FAM107A: variants seen among roughly 807,000 people sequenced by gnomAD.
FAM107A encodes the protein actin-associated protein FAM107A.
In FAM107A, 19 loss-of-function variants were observed where a neutral mutation model predicts 13.7. The ratio of observed to expected loss-of-function variants is 1.38; its 90% confidence interval spans 0.97 to 2.03. FAM107A has a LOEUF of 2.03. Ranked by LOEUF, FAM107A falls within the 30% of genes most tolerant of loss-of-function variation. FAM107A has a pLI of 0.00. For synonymous variants in FAM107A, 82 were observed against 74.5 expected (o/e 1.10, Z -0.52); for missense variants, 203 against 184.4 (o/e 1.10, Z -0.58).
At chr3:58,595,417 T>C (rs2065690317) in intron 1 of FAM107A, among the ~76,000 whole-genome samples, 1 of 152,186 alleles carries the variant, frequency 6.6e-6, no homozygotes, top group South Asian at 2.1e-4. Context: ...ATTTGATTTG[T>C]TCCTGCCCCA....
At chr3:58,578,015 G>A (rs940762541), upstream of FAM107A, among the ~76,000 whole-genome samples, 43 of 152,300 alleles carry the variant, frequency 2.8e-4, no homozygotes, top group African/African-American at 1.0e-3. Context: ...TCCAGCACCA[G>A]CCCCTTCAGC....
At position 58,577,366 on chromosome 3, in the gene FAM107A, C is replaced by T. The variant is rs1470287824; in HGVS notation, c.-63G>A. 1 of 985,348 alleles carries T rather than the reference C, an allele frequency of 1.0e-6. No homozygotes were observed. Among genetic ancestry groups the T allele is most frequent in the African/African-American group, 1.7e-5 (1 of 57,230 alleles). 61.0% of individuals were successfully genotyped at this position (985,348 alleles called of 1,614,324 possible). ...GGAGCGTGTTGCTGGGTTCCTCACTCCACCGGGAAGTCCCAGACTAGCAAG... is the reference window on the plus strand; with the variant it reads ...GGAGCGTGTTGCTGGGTTCCTCACTTCACCGGGAAGTCCCAGACTAGCAAG... On this transcript the variant is annotated 5_prime_UTR_variant, in exon 1 of 4. Transcript: ENST00000360997. This position sits in a 1 kb window ranked among gnomAD's most constrained non-coding sequence, Gnocchi z 4.9.
intron 1 of FAM107A, among the ~76,000 whole-genome samples, chr3:58,593,767 C>T (rs1341756124): frequency 5.3e-5 from 8 of 152,106 alleles, no homozygotes; most frequent in Non-Finnish European, 8.8e-5. Context: ...CACAGCCGTC[C>T]GCGCCCTACA....
intron 1 of FAM107A, chr3:58,626,949 C>A: frequency 6.5e-7 from 1 of 1,535,776 alleles, no homozygotes; most frequent in Non-Finnish European, 8.7e-7. Flanking sequence ...AGGGCCCCAA[C>A]AGGACACTTA....
chr3:58,581,644 T>C (rs913330034), upstream of FAM107A, among the ~76,000 whole-genome samples: 1 of 151,444 alleles, frequency 6.6e-6, no homozygotes, highest in Non-Finnish European at 1.5e-5. Context: ...GACTCGGGGG[T>C]TGGGGGAGAA....
In FAM107A at chr3:58,577,368, A is replaced by T; in HGVS notation, c.-65T>A. 1 of 985,348 alleles carries T rather than the reference A, an allele frequency of 1.0e-6. No homozygotes were observed. Among genetic ancestry groups the T allele is most frequent in the Non-Finnish European group, 1.2e-6 (1 of 829,926 alleles). 61.0% of individuals were successfully genotyped at this position (985,348 alleles called of 1,614,324 possible). ...AGCGTGTTGCTGGGTTCCTCACTCCACCGGGAAGTCCCAGACTAGCAAGGA... is the reference window on the plus strand; with the variant it reads ...AGCGTGTTGCTGGGTTCCTCACTCCTCCGGGAAGTCCCAGACTAGCAAGGA... On this transcript the variant is annotated 5_prime_UTR_variant, in exon 1 of 4. Coordinates refer to ENST00000360997, the MANE Select transcript of FAM107A (RefSeq NM_001076778.3). This position sits in a 1 kb window ranked among gnomAD's most constrained non-coding sequence, Gnocchi z 4.9.
At chr3:58,612,255 G>A (rs1441838006) in intron 1 of FAM107A, among the ~76,000 whole-genome samples, 3 of 152,204 alleles carry the variant, frequency 2.0e-5, no homozygotes, top group Non-Finnish European at 4.4e-5. Flanking sequence ...ACTGTGGCAT[G>A]TTGGTATCAG....
At chr3:58,566,905 C>T in intron 3 of FAM107A, 1 of 607,306 alleles carries the variant, frequency 1.6e-6, no homozygotes, top group South Asian at 2.0e-5. Flanking sequence ...CCCCTCTGGG[C>T]CTCAGCTTCC....
chr3:58,616,688 C>G (rs556633172), intron 1 of FAM107A, among the ~76,000 whole-genome samples: 2 of 152,260 alleles, frequency 1.3e-5, no homozygotes, highest in South Asian at 4.2e-4. Context: ...CCTCTGAGAG[C>G]CTTCTGAGGA....
In FAM107A at chr3:58,613,933, G is replaced by C. The variant is rs575727530; in HGVS notation, c.-70+13483C>G. ...CAGGTGCCACAACTCCCTGCAGCCT[G>C]CTGTACCTGGGAAGTGCCAGTGGGC... On this transcript the variant is annotated intron_variant, in intron 1 of 3. Coordinates refer to the FAM107A transcript ENST00000465970. The surrounding 1 kb of genome is among the most constrained non-coding windows in gnomAD (Gnocchi z 4.6). Among the ~76,000 whole-genome samples the C allele has an allele frequency of 3.9e-5, 6 of 152,364 alleles. No homozygotes were observed. The highest frequency in any genetic ancestry group is 3.9e-4 in the Admixed American group (6 of 15,308).
chr3:58,596,957 C>T (rs138497892), intron 1 of FAM107A, among the ~76,000 whole-genome samples: 21 of 152,288 alleles, frequency 1.4e-4, no homozygotes, highest in African/African-American at 4.8e-4. Flanking sequence ...AAAATGTGCT[C>T]ATTTTGGCCT....
intron 1 of FAM107A, among the ~76,000 whole-genome samples, chr3:58,603,209 C>G (rs562623451): frequency 3.9e-5 from 6 of 152,238 alleles, no homozygotes; most frequent in African/African-American, 1.4e-4. Context: ...CAACACTGTC[C>G]CCTGCGCTTG....
In FAM107A at chr3:58,617,582, T is replaced by C. The variant is rs1321248525; in HGVS notation, c.-70+9834A>G. Among the ~76,000 whole-genome samples, 4 of 152,118 alleles carry C rather than the reference T, an allele frequency of 2.6e-5. No homozygotes were observed. The highest frequency in any genetic ancestry group is 2.9e-5 in the Non-Finnish European group (2 of 68,020). On this transcript the variant is annotated intron_variant, in intron 1 of 3. Transcript: ENST00000465970. This position sits in a 1 kb window ranked among gnomAD's most constrained non-coding sequence, Gnocchi z 4.5. ...CACAAAGCCCCTTGTTTATGTTAGT[T>C]TGGGAGACACAGTGTTCTGAAAGCC... is the stretch of plus-strand genomic sequence containing the variant.
chr3:58,572,024 C>G (rs1228689152), intron 1 of FAM107A, among the ~76,000 whole-genome samples: 1 of 152,104 alleles, frequency 6.6e-6, no homozygotes, highest in African/African-American at 2.4e-5. Context: ...AAGCCATACA[C>G]CCAGAATTCC....
At chr3:58,626,100 G>C (rs1358643618) in intron 1 of FAM107A, among the ~76,000 whole-genome samples, 2 of 152,204 alleles carry the variant, frequency 1.3e-5, no homozygotes, top group African/African-American at 4.8e-5. Flanking sequence ...TCTGGGACAC[G>C]GCAGCCTGTC....
At chr3:58,626,871 C>T (rs11708342) in intron 1 of FAM107A, 87,040 of 1,195,126 alleles carry the variant, frequency 0.073, 3,588 homozygotes, top group African/African-American at 0.099. Flanking sequence ...TGGGCACTGC[C>T]GGCTGAAGCT....
intron 1 of FAM107A, among the ~76,000 whole-genome samples, chr3:58,597,551 T>C (rs965020705): frequency 2.0e-5 from 3 of 152,244 alleles, no homozygotes; most frequent in African/African-American, 7.2e-5. Context: ...GAATAGGAAT[T>C]GTAACTTATT....
upstream of FAM107A, among the ~76,000 whole-genome samples, chr3:58,579,455 G>A (rs2065502765): frequency 1.3e-5 from 2 of 152,030 alleles, no homozygotes; most frequent in Non-Finnish European, 2.9e-5. Context: ...ATTTCTTGAG[G>A]CACTATGAAT....
At chr3:58,608,002 C>T (rs1258121241) in intron 1 of FAM107A, 1 of 152,148 alleles carries the variant, frequency 6.6e-6, no homozygotes, top group East Asian at 1.9e-4. Flanking sequence ...TGGTTTTCAG[C>T]CACTGATTTT....
Sources: allele counts gnomAD v4.1 joint callset (sites outside exome capture counted in the v4.1 genomes callset), GRCh38; gene constraint gnomAD v4.1.1; non-coding constraint Gnocchi (gnomAD v3.1); transcripts MANE v1.5; gene names NCBI Gene and HGNC (gene_info 2026-07-23, HGNC 2026-07-21).